The following CRADD variants were observed in gnomAD, a reference collection of about 807,000 sequenced individuals.
The protein encoded by CRADD is death domain-containing protein CRADD.
Under a neutral mutation model 15.5 loss-of-function variants are expected in CRADD, and 9 were observed. The ratio of observed to expected loss-of-function variants is 0.58; its 90% CI spans 0.35 to 1.01. The LOEUF is 1.01. Among genes scored for constraint, CRADD ranks in the 50% least tolerant of loss-of-function variants. The pLI is 0.02. For synonymous variants in CRADD, 118 were observed against 107.6 expected (o/e 1.10, Z -0.60); for missense variants, 227 against 250.3 (o/e 0.91, Z 0.63).
intron 2 of CRADD, among the ~76,000 whole-genome samples, chr12:93,721,087 A>G (rs961458273): frequency 1.3e-5 from 2 of 152,184 alleles, no homozygotes; most frequent in African/African-American, 4.8e-5. Flanking sequence ...CATATAAAGT[A>G]TACTTGTTTT....
chr12:93,888,017 G>T (rs555686962), intron 2 of CRADD, among the ~76,000 whole-genome samples: 2 of 152,214 alleles, frequency 1.3e-5, no homozygotes, highest in Non-Finnish European at 2.9e-5. Context: ...GGATGAGTGG[G>T]AGTTAATGGA....
At chr12:93,697,237 T>G (rs1337469845) in intron 2 of CRADD, among the ~76,000 whole-genome samples, 1 of 152,172 alleles carries the variant, frequency 6.6e-6, no homozygotes, top group Non-Finnish European at 1.5e-5. Context: ...GTGAAGTAAT[T>G]AAGTCATAGG....
intron 2 of CRADD, among the ~76,000 whole-genome samples, chr12:93,883,055 CA>C (rs1565948095): frequency 1.3e-5 from 2 of 152,188 alleles, no homozygotes; most frequent in Non-Finnish European, 2.9e-5. Flanking sequence ...CCAAAATATT[CA>C]GCATAATTAA....
chr12:93,797,918 C>T (rs1218293077), intron 2 of CRADD, among the ~76,000 whole-genome samples: 2 of 152,178 alleles, frequency 1.3e-5, no homozygotes, highest in East Asian at 3.9e-4. Context: ...GCCTGCAGTC[C>T]CAGCACCCTA....
rs538503077 is a variant in CRADD at position 93,797,746 on chromosome 12, A to G, written c.299-52224A>G. ...TCTATTACAATTTTTTTATTGCACA[A>G]AGAACATTATAACAATGCATAATTA... On this transcript the variant is annotated intron_variant, in intron 2 of 2. Coordinates refer to ENST00000332896, the MANE Select transcript of CRADD (RefSeq NM_003805.5). Among the ~76,000 whole-genome samples, 3 of 152,314 alleles carry G rather than the reference A, an allele frequency of 2.0e-5. No homozygotes were observed. In the East Asian group the frequency reaches 5.8e-4, roughly 29 times the overall value.
At chr12:93,735,448 G>A (rs1185119760) in intron 2 of CRADD, 1 of 152,206 alleles carries the variant, frequency 6.6e-6, no homozygotes, top group East Asian at 1.9e-4. Context: ...TAGACTGTGA[G>A]CAAGCTGAAG....
intron 2 of CRADD, among the ~76,000 whole-genome samples, chr12:93,790,912 G>GACACACAC (rs58305551): frequency 0.048 from 6,961 of 144,776 alleles, 219 homozygotes; most frequent in South Asian, 0.09. Context: ...CCATATACAT[G>GACACACAC]ACACACACAC....
chr12:93,809,726 A>G (rs1203052094), intron 2 of CRADD, among the ~76,000 whole-genome samples: 4 of 152,228 alleles, frequency 2.6e-5, no homozygotes, highest in Non-Finnish European at 5.9e-5. Flanking sequence ...ATGAATGGGC[A>G]TCTTGGCATA....
At chr12:93,754,975 A>AG (rs1161654726) in intron 2 of CRADD, among the ~76,000 whole-genome samples, 1 of 152,084 alleles carries the variant, frequency 6.6e-6, no homozygotes, top group Admixed American at 6.6e-5. Flanking sequence ...TAAAAAAAAA[A>AG]AAGGGTTTAG....
chr12:93,834,574 T>C (rs1957953246), intron 2 of CRADD, among the ~76,000 whole-genome samples: 1 of 151,748 alleles, frequency 6.6e-6, no homozygotes, highest in Non-Finnish European at 1.5e-5. Flanking sequence ...CCACAACCTC[T>C]ACCTCCCAGG....
intron 2 of CRADD, among the ~76,000 whole-genome samples, chr12:93,689,536 G>C (rs1460513877): frequency 6.6e-6 from 1 of 152,042 alleles, no homozygotes; most frequent in Non-Finnish European, 1.5e-5. Context: ...AGAAGTTTGG[G>C]GCAGGTTTTA....
intron 2 of CRADD, among the ~76,000 whole-genome samples, chr12:93,779,191 C>T (rs1279152572): frequency 6.6e-6 from 1 of 152,132 alleles, no homozygotes; most frequent in Non-Finnish European, 1.5e-5. Flanking sequence ...TCCATAGAAA[C>T]ATAGATGTTT....
At chr12:93,768,610 T>C (rs187259972) in intron 2 of CRADD, among the ~76,000 whole-genome samples, 1 of 152,164 alleles carries the variant, frequency 6.6e-6, no homozygotes, top group Non-Finnish European at 1.5e-5. Flanking sequence ...AAGAATAACA[T>C]AATTTGCTAA....
chr12:93,860,190 C>T (rs1255157296), intron 2 of CRADD, among the ~76,000 whole-genome samples: 1 of 151,724 alleles, frequency 6.6e-6, no homozygotes, highest in Non-Finnish European at 1.5e-5. Context: ...ATTCTGACAT[C>T]TTAACTGTTT....
rs193129092 is a variant in CRADD, at chr12:93,778,972, A to G, written c.299-70998A>G. Among the ~76,000 whole-genome samples the G allele has an allele frequency of 5.9e-5, 9 of 152,332 alleles. No individual in the cohort carries two copies. The East Asian group carries it at 1.4e-3, about 23-fold the overall frequency. ...TGTGAACTGCCATGATTTAACTTCA[A>G]AACACAGCCTGTTCTCTTGTCAGTG... On this transcript the variant is annotated intron_variant, in intron 2 of 2. Transcript: ENST00000332896.
intron 2 of CRADD, among the ~76,000 whole-genome samples, chr12:93,790,937 A>ACACT (rs1957342341): frequency 6.6e-6 from 1 of 151,720 alleles, no homozygotes; most frequent in Non-Finnish European, 1.5e-5. Context: ...ACACACACAC[A>ACACT]CACTCTTGAT....
intron 2 of CRADD, among the ~76,000 whole-genome samples, chr12:93,770,372 C>T (rs1247020495): frequency 6.6e-6 from 1 of 152,152 alleles, no homozygotes; most frequent in African/African-American, 2.4e-5. Flanking sequence ...GCTGGGATTA[C>T]AAGCGTGAGC....
At chr12:93,821,082 C>T (rs1015472570) in intron 2 of CRADD, among the ~76,000 whole-genome samples, 4 of 152,192 alleles carry the variant, frequency 2.6e-5, no homozygotes, top group East Asian at 3.9e-4. Flanking sequence ...ATTTAAAAAT[C>T]GTTTTAATTA....
intron 2 of CRADD, among the ~76,000 whole-genome samples, chr12:93,782,594 G>GAAA (rs77333769): frequency 1.7e-5 from 2 of 115,026 alleles, no homozygotes; most frequent in Non-Finnish European, 1.9e-5. Flanking sequence ...TCCGTCTCAG[G>GAAA]AAAAAAAAAA....
Sources: allele counts gnomAD v4.1 joint callset (sites outside exome capture counted in the v4.1 genomes callset), GRCh38; gene constraint gnomAD v4.1.1; transcripts MANE v1.5; gene names NCBI Gene and HGNC (gene_info 2026-07-23, HGNC 2026-07-21).